The following FAH variants were observed in gnomAD, a reference collection of about 807,000 sequenced individuals.
FAH encodes the protein fumarylacetoacetate hydrolase.
A neutral mutation model predicts 55.8 loss-of-function variants in FAH; 47 were observed. The observed-to-expected ratio is 0.84, with a 90% CI of 0.67 to 1.07. FAH has a LOEUF of 1.07. FAH is among the 50% of genes least tolerant of loss of function. FAH has a pLI of 0.00. For synonymous variants in FAH, 199 were observed against 207.7 expected, an observed-to-expected ratio of 0.96 and a Z score of 0.36; for missense variants, 495 against 545.9, an observed-to-expected ratio of 0.91 and a Z score of 0.93.
intron 8 of FAH, 35 bp downstream of exon 8, chr15:80,172,283 G>C: frequency 6.6e-7 from 1 of 1,511,878 alleles, no homozygotes; most frequent in Non-Finnish European, 9.2e-7. Context: ...TAGAGATGAC[G>C]GGGAGGAGGC....
chr15:80,170,657 C>T (rs1236871165), intron 7 of FAH, among the ~76,000 whole-genome samples: 4 of 152,192 alleles, frequency 2.6e-5, no homozygotes, highest in African/African-American at 9.7e-5. Flanking sequence ...ACTCTGCAGG[C>T]AGACACTTCA....
At chr15:80,173,455 C>T in intron 9 of FAH, 1 of 473,724 alleles carries the variant, frequency 2.1e-6, no homozygotes, top group Non-Finnish European at 3.9e-6. Context: ...CAGGTACCAA[C>T]ATTGCACAAC....
intron 10 of FAH, among the ~76,000 whole-genome samples, chr15:80,177,152 A>T (rs1482830295): frequency 1.3e-5 from 2 of 152,052 alleles, no homozygotes; most frequent in African/African-American, 2.4e-5. Context: ...TATCCAGAGG[A>T]CTCCTGAGGG....
At chr15:80,165,539 A>G (rs1218002596) in intron 5 of FAH, among the ~76,000 whole-genome samples, 5 of 151,082 alleles carry the variant, frequency 3.3e-5, no homozygotes, top group Non-Finnish European at 7.4e-5. Context: ...AAAAAAAAAA[A>G]AAAAAATTAG....
Position 80,180,169 on chromosome 15 carries a change from A to C in FAH, c.1006A>C (p.Asn336His). 1 of 1,610,854 alleles carries C rather than the reference A, an allele frequency of 6.2e-7. No homozygotes were observed. Among genetic ancestry groups the C allele is most frequent in the South Asian group, 1.1e-5 (1 of 91,082 alleles). ...MLQQLTHHSV[N>H]GCNLRPGDLL... The stretch of plus-strand genomic sequence containing the variant: ...GCAGCAGCTCACTCACCACTCTGTC[A>C]ACGGCTGCAACCTGCGGCCGGGGGA... The change falls in exon 12 of 14, where the codon AAC becomes CAC. Residue 336 changes from asparagine to histidine, a missense_variant. By Grantham distance (68) the Asn-to-His change is moderately conservative. Transcript: ENST00000561421.
rs1475222553 is a variant in FAH at position 80,181,024 on chromosome 15, C to T, written c.1063-18C>T. On this transcript the variant is annotated intron_variant, in intron 12 of 13. Transcript: ENST00000561421. ...GCATAAATTCATGTTATTCTTTCTT[C>T]CCTTTCCTGTGATGAAGGAGCCAGA... 1 of 1,590,638 alleles carries T rather than the reference C, an allele frequency of 6.3e-7. No homozygotes were observed. Among genetic ancestry groups the T allele is most frequent in the Non-Finnish European group, 8.6e-7 (1 of 1,159,448 alleles).
intron 8 of FAH, among the ~76,000 whole-genome samples, 165 bp downstream of exon 8, chr15:80,172,413 G>T (rs374682588): frequency 6.6e-5 from 10 of 151,260 alleles, no homozygotes; most frequent in South Asian, 6.4e-4. Flanking sequence ...CTAAGAACTC[G>T]GGCCACTCAC....
At chr15:80,154,887 G>T (rs1173210620) in intron 1 of FAH, among the ~76,000 whole-genome samples, 4 of 152,144 alleles carry the variant, frequency 2.6e-5, no homozygotes, top group Non-Finnish European at 5.9e-5. Flanking sequence ...TCTGAGAACG[G>T]GGTTGTAGTA....
At chr15:80,162,360 C>T in intron 5 of FAH, 24 bp downstream of exon 5, 1 of 1,573,728 alleles carries the variant, frequency 6.4e-7, no homozygotes, top group Non-Finnish European at 8.7e-7. Flanking sequence ...CAAATGTCTG[C>T]ATAAGTTCAA....
intron 12 of FAH, among the ~76,000 whole-genome samples, chr15:80,180,496 C>T (rs1421160506): frequency 6.6e-6 from 1 of 152,150 alleles, no homozygotes; most frequent in Admixed American, 6.5e-5. Context: ...AGTCAGGAGA[C>T]AGTGATAGTG....
chr15:80,180,046 C>G, intron 11 of FAH, 78 bp from the exon 12 acceptor site: 3 of 989,990 alleles, frequency 3.0e-6, no homozygotes, highest in Non-Finnish European at 4.6e-6. Context: ...GTGAGCAGGG[C>G]AGGCTGTGCC....
intron 7 of FAH, 63 bp from the exon 8 acceptor site, chr15:80,172,086 A>T: frequency 6.7e-6 from 8 of 1,190,046 alleles, no homozygotes; most frequent in Non-Finnish European, 1.0e-5. Context: ...TTTGCTCTCT[A>T]GGTGACAAGT....
chr15:80,176,314 C>G (rs2041283778), intron 10 of FAH, among the ~76,000 whole-genome samples: 1 of 152,230 alleles, frequency 6.6e-6, no homozygotes, highest in African/African-American at 2.4e-5. Flanking sequence ...CCATGCCCGG[C>G]CAGCTCCATT....
upstream of FAH, chr15:80,152,960 A>AG: frequency 9.9e-7 from 1 of 1,007,780 alleles, no homozygotes; most frequent in Non-Finnish European, 1.5e-6. Flanking sequence ...GGGGGCGGGC[A>AG]GGGGGGCGGG....
intron 5 of FAH, chr15:80,163,663 G>A (rs1049801212): frequency 6.6e-6 from 1 of 152,182 alleles, no homozygotes; most frequent in African/African-American, 2.4e-5. Context: ...TATTATAAAG[G>A]TAACATATAT....
At position 80,153,015 on chromosome 15, in the gene FAH, C is replaced by T. The variant is rs371100968; in HGVS notation, c.-40C>T. ...GCCGAGTTCAGTCCTGCTCTCCGCA[C>T]GCCACCTTAGGCCCGCAGCCGTGCC... On this transcript the variant is annotated 5_prime_UTR_variant, in exon 1 of 14. It adds an upstream start codon to the 5' untranslated region. Transcript: ENST00000561421. 2.5e-6 allele frequency: 4 copies of T among 1,584,426 alleles called. No homozygotes were observed. Among genetic ancestry groups the T allele is most frequent in the East Asian group, 4.5e-5 (2 of 44,726 alleles).
rs758772130 is a variant in FAH at position 80,175,111 on chromosome 15, A to AC, written c.913+21dup. On this transcript the variant is annotated intron_variant, in intron 10 of 13. Transcript: ENST00000561421. ...TGAAAGGTATGTTGTAGGGGGACTG[A>AC]CATGGCCAGGAGCTCTGAGGCAATG... 2 of 1,609,306 alleles carry AC rather than the reference A, an allele frequency of 1.2e-6. No homozygotes were observed. The highest frequency in any genetic ancestry group is 3.3e-4 in the Middle Eastern group (2 of 6,052).
chr15:80,178,647 G>T (rs990637232), intron 11 of FAH, among the ~76,000 whole-genome samples: 1 of 150,678 alleles, frequency 6.6e-6, no homozygotes, highest in Non-Finnish European at 1.5e-5. Context: ...GCAGTGGCGC[G>T]ATCTCGGCTC....
chr15:80,174,054 C>G (rs977745683), intron 9 of FAH, among the ~76,000 whole-genome samples: 8 of 152,162 alleles, frequency 5.3e-5, no homozygotes, highest in African/African-American at 1.9e-4. Flanking sequence ...CCTTGCAAGC[C>G]AGTTCTAGTG....
Sources: allele counts gnomAD v4.1 joint callset (sites outside exome capture counted in the v4.1 genomes callset), GRCh38; gene constraint gnomAD v4.1.1; transcripts MANE v1.5; gene names NCBI Gene and HGNC (gene_info 2026-07-23, HGNC 2026-07-21).